The following DPP6 variants were observed in gnomAD, a reference collection of about 807,000 sequenced individuals.
DPP6 encodes the protein A-type potassium channel modulatory protein DPP6.
In DPP6, 69 loss-of-function variants were observed where a neutral mutation model predicts 122.6. The observed-to-expected ratio is 0.56, with a 90% CI of 0.46 to 0.69. DPP6 has a LOEUF of 0.69. Ranked by LOEUF, DPP6 falls within the 30% of genes least tolerant of loss-of-function variation. The pLI, the probability that DPP6 is intolerant of heterozygous loss-of-function variation, is 0.00. For missense variants in DPP6, 928 were observed against 1,116.9 expected (o/e 0.83, Z 2.41); for synonymous variants, 418 against 433.1 (o/e 0.97, Z 0.43).
upstream of DPP6, among the ~76,000 whole-genome samples, chr7:153,883,408 G>GT (rs1798809821): frequency 1.3e-5 from 2 of 150,632 alleles, no homozygotes; most frequent in African/African-American, 2.5e-5. Context: ...TTGAGACAGA[G>GT]TTTCGCTCTT....
chr7:153,956,517 A>C (rs1296201902), intron 1 of DPP6, among the ~76,000 whole-genome samples: 1 of 152,040 alleles, frequency 6.6e-6, no homozygotes, highest in African/African-American at 2.4e-5. Flanking sequence ...GGTGTGACTG[A>C]GGGGGTGGCC....
chr7:154,288,865 C>T (rs1006031336), intron 1 of DPP6, among the ~76,000 whole-genome samples: 4 of 152,108 alleles, frequency 2.6e-5, no homozygotes, highest in Admixed American at 6.5e-5. Flanking sequence ...GTGGATAGAG[C>T]AAAATGAAAG....
At chr7:154,037,230 C>T (rs2533777) in intron 1 of DPP6, among the ~76,000 whole-genome samples, 2 of 152,110 alleles carry the variant, frequency 1.3e-5, no homozygotes, top group Admixed American at 6.5e-5. Flanking sequence ...TTTGACCCTG[C>T]GAGGCACATG....
intron 5 of DPP6, among the ~76,000 whole-genome samples, chr7:154,574,612 G>C (rs1831373190): frequency 1.6e-5 from 2 of 122,580 alleles, no homozygotes; most frequent in Admixed American, 9.1e-5. Flanking sequence ...TGTGAGTTTG[G>C]GGTGTATGTG....
At position 154,606,079 on chromosome 7, in the gene DPP6, A is replaced by T. The variant is rs187639324; in HGVS notation, c.628-31742A>T. ...GAGATGAAATTTCTGTATATTTGAG[A>T]CTTTGTATTTGATCAATTTTCATGA... On this transcript the variant is annotated intron_variant, in intron 5 of 25. Coordinates refer to ENST00000377770, the MANE Select transcript of DPP6 (RefSeq NM_130797.4). 2.9e-3 allele frequency among the ~76,000 whole-genome samples: 346 copies of T among 120,370 alleles called. 61 individuals carry two copies. Among genetic ancestry groups the T allele is most frequent in the African/African-American group, 8.8e-3 (336 of 38,074 alleles). The allele number at this position is 120,370 out of a possible 152,430, so 79.0% of individuals were successfully genotyped here. A position where few individuals can be genotyped will look rare whatever the true frequency, so the allele number is the denominator to read the frequency against.
At chr7:154,891,729 G>A (rs543883081) in intron 25 of DPP6, among the ~76,000 whole-genome samples, 1 of 152,266 alleles carries the variant, frequency 6.6e-6, no homozygotes, top group East Asian at 1.9e-4. Flanking sequence ...GGGATTACAG[G>A]CACGCCCCAC....
intron 1 of DPP6, among the ~76,000 whole-genome samples, chr7:154,358,454 T>A (rs779723574): frequency 6.6e-6 from 1 of 152,194 alleles, no homozygotes; most frequent in African/African-American, 2.4e-5. Flanking sequence ...AAAGGTGTCA[T>A]GTGCGCCGTA....
At position 154,794,507 on chromosome 7, in the gene DPP6, G is replaced by C. The variant is rs549498318; in HGVS notation, c.1260+305G>C. Among the ~76,000 whole-genome samples, 75 of 152,350 alleles carry C rather than the reference G, an allele frequency of 4.9e-4. No homozygotes were observed. In the Middle Eastern group the frequency reaches 0.017, roughly 35 times the overall value. ...CTTCCCTTTATCCGCGCTCACCGCTGTGACCTAAGTGAGCGTCCTCCTCGT... is the reference window on the plus strand; with the variant it reads ...CTTCCCTTTATCCGCGCTCACCGCTCTGACCTAAGTGAGCGTCCTCCTCGT... On this transcript the variant is annotated intron_variant, in intron 11 of 25. Transcript: ENST00000377770.
At chr7:154,444,944 A>G (rs568080110) in intron 1 of DPP6, among the ~76,000 whole-genome samples, 1 of 152,348 alleles carries the variant, frequency 6.6e-6, no homozygotes, top group South Asian at 2.1e-4. Context: ...TAGATGGCAA[A>G]TATGAAGACT....
chr7:153,941,702 T>G (rs1801705177), intron 1 of DPP6, among the ~76,000 whole-genome samples: 1 of 152,210 alleles, frequency 6.6e-6, no homozygotes, highest in South Asian at 2.1e-4. Context: ...GATAAGGTTT[T>G]AAATCATTGA....
At chr7:154,861,682 T>C (rs1253109187) in intron 17 of DPP6, among the ~76,000 whole-genome samples, 1 of 152,198 alleles carries the variant, frequency 6.6e-6, no homozygotes, top group Non-Finnish European at 1.5e-5. Context: ...ACTTTGATAA[T>C]TGTTGGACAT....
intron 16 of DPP6, among the ~76,000 whole-genome samples, chr7:154,825,181 T>C (rs1800060758): frequency 6.6e-6 from 1 of 152,160 alleles, no homozygotes; most frequent in Non-Finnish European, 1.5e-5. Flanking sequence ...CAGCCTTGCT[T>C]ACAAGCTACT....
chr7:154,784,002 A>G (rs1301995237), intron 10 of DPP6, among the ~76,000 whole-genome samples: 1 of 152,090 alleles, frequency 6.6e-6, no homozygotes. Context: ...CATTTTCTAT[A>G]GGGGCAAAGA....
Position 154,795,830 on chromosome 7 carries a change from C to G in DPP6, c.1261-15C>G. 6.2e-7 allele frequency: 1 copy of G among 1,608,906 alleles called. No homozygotes were observed. Among genetic ancestry groups the G allele is most frequent in the Non-Finnish European group, 8.5e-7 (1 of 1,177,588 alleles). The stretch of plus-strand genomic sequence containing the variant: ...AAGAAAAACCCTCTTGTCTAATGCT[C>G]TCATTTCATTTCAGAAACACGAGGA... On this transcript the variant is annotated splice_polypyrimidine_tract_variant and intron_variant, in intron 11 of 25. Transcript: ENST00000377770.
intron 1 of DPP6, among the ~76,000 whole-genome samples, chr7:154,422,074 G>A (rs1398568133): frequency 6.6e-6 from 1 of 152,216 alleles, no homozygotes; most frequent in African/African-American, 2.4e-5. Context: ...TTTGGCCCAA[G>A]GGAGCAGTTA....
At chr7:153,869,846 G>A in the DPP6 span, among the ~76,000 whole-genome samples, 1 of 152,104 alleles carries the variant, frequency 6.6e-6, no homozygotes, top group African/African-American at 2.4e-5. Flanking sequence ...GGCAGGCCTG[G>A]TGGTGACAAA....
rs1301606149 is a variant in DPP6 at position 153,976,183 on chromosome 7, G to T, written c.51+88449G>T. On this transcript the variant is annotated intron_variant, in intron 1 of 25. Coordinates refer to the DPP6 transcript ENST00000404039. The stretch of plus-strand genomic sequence containing the variant: ...GGTGTACTGCAAACCTGTAATAAAA[G>T]AAGTCTGTATTGAAAGAAAAAGAAG... Among the ~76,000 whole-genome samples, 4 of 152,264 alleles carry T rather than the reference G, an allele frequency of 2.6e-5. No homozygotes were observed. The East Asian group carries it at 7.7e-4, about 29-fold the overall frequency.
intron 1 of DPP6, among the ~76,000 whole-genome samples, chr7:154,326,423 C>T (rs561521718): frequency 3.4e-4 from 52 of 152,154 alleles, no homozygotes; most frequent in African/African-American, 1.3e-3. Context: ...TATACTGTCA[C>T]AAAACAAGGA....
At chr7:154,049,288 G>A (rs1380508369), upstream of DPP6, among the ~76,000 whole-genome samples, 2 of 112,952 alleles carry the variant, frequency 1.8e-5, no homozygotes, top group African/African-American at 3.8e-5. Context: ...CCTCTTCGGG[G>A]TATCTTTTTC....
Sources: allele counts gnomAD v4.1 joint callset (sites outside exome capture counted in the v4.1 genomes callset), GRCh38; gene constraint gnomAD v4.1.1; transcripts MANE v1.5; gene names NCBI Gene and HGNC (gene_info 2026-07-23, HGNC 2026-07-21).